The following CRYM variants were observed in gnomAD, a reference collection of about 807,000 sequenced individuals.
CRYM encodes ketimine reductase mu-crystallin.
In CRYM, 18 loss-of-function variants were observed where a neutral mutation model predicts 32.9. That is an observed-to-expected ratio of 0.55 (90% CI 0.38 to 0.81). The LOEUF (loss-of-function observed/expected upper bound fraction) is 0.81, where lower values mean the gene tolerates loss of function less well. Among genes scored for constraint, CRYM ranks in the 30% least tolerant of loss-of-function variants. CRYM has a pLI of 0.00. For synonymous variants in CRYM, 153 were observed against 152.4 expected, an observed-to-expected ratio of 1.00 and a Z score of -0.03; for missense variants, 337 against 393.5, an observed-to-expected ratio of 0.86 and a Z score of 1.21.
chr16:21,268,309 G>C (rs2093368248), intron 4 of CRYM, among the ~76,000 whole-genome samples: 1 of 152,196 alleles, frequency 6.6e-6, no homozygotes, highest in African/African-American at 2.4e-5. Flanking sequence ...GAATACTTAG[G>C]AAATTCAAGA....
At position 21,258,693 on chromosome 16, in the gene CRYM, G is replaced by T; in HGVS notation, c.*88C>A. The T allele has an allele frequency of 9.2e-7, 1 of 1,091,666 alleles. No individual in the cohort carries two copies. The allele number at this position is 1,091,666 out of a possible 1,614,324, so 67.6% of individuals were successfully genotyped here. A position where few individuals can be genotyped will look rare whatever the true frequency, so the allele number is the denominator to read the frequency against. On this transcript the variant is annotated 3_prime_UTR_variant, in exon 8 of 8. Transcript: ENST00000572914. Reference sequence around the variant, plus strand: ...TAAGCACAAAAGGAGAGTTCACTGGGGACTGGACTCCCTCATTTACTCTAG... The same window carrying T: ...TAAGCACAAAAGGAGAGTTCACTGGTGACTGGACTCCCTCATTTACTCTAG...
intron 5 of CRYM, among the ~76,000 whole-genome samples, chr16:21,262,898 C>G (rs376775312): frequency 6.6e-6 from 1 of 152,080 alleles, no homozygotes; most frequent in East Asian, 1.9e-4. Flanking sequence ...AGCACCTAGG[C>G]GCTCACACCT....
At chr16:21,284,781 C>A (rs1225592631) in intron 1 of CRYM, among the ~76,000 whole-genome samples, 1 of 152,092 alleles carries the variant, frequency 6.6e-6, no homozygotes, top group Non-Finnish European at 1.5e-5. Context: ...ATTTATTTTC[C>A]TTTGCGTATA....
At chr16:21,269,131 G>A (rs1275602478) in intron 4 of CRYM, among the ~76,000 whole-genome samples, 3 of 133,226 alleles carry the variant, frequency 2.3e-5, no homozygotes, top group African/African-American at 8.8e-5. Context: ...GCGACAGCGC[G>A]AGACTCCATT....
At chr16:21,267,819 AG>A in intron 4 of CRYM, 82 bp from the exon 5 acceptor site, 1 of 1,375,028 alleles carries the variant, frequency 7.3e-7, no homozygotes, top group African/African-American at 1.4e-5. Context: ...GCGGAGGGAA[AG>A]TTGAACTACT....
chr16:21,272,600 T>C (rs1188191363), intron 3 of CRYM, among the ~76,000 whole-genome samples: 1 of 152,110 alleles, frequency 6.6e-6, no homozygotes, highest in Non-Finnish European at 1.5e-5. Flanking sequence ...CATACTGCTT[T>C]ACACTCTTAC....
chr16:21,297,688 G>A (rs1960817006), intron 1 of CRYM, among the ~76,000 whole-genome samples: 1 of 152,174 alleles, frequency 6.6e-6, no homozygotes, highest in African/African-American at 2.4e-5. Context: ...GGGGATATGT[G>A]CCATGTGAGT....
Position 21,258,593 on chromosome 16 carries a change from G to C in CRYM, c.*188C>G. 1 of 644,980 alleles carries C rather than the reference G, an allele frequency of 1.6e-6. No homozygotes were observed. The highest frequency in any genetic ancestry group is 2.8e-6 in the Non-Finnish European group (1 of 359,220). 40.0% of individuals were successfully genotyped at this position (644,980 alleles called of 1,614,324 possible). A position where few individuals can be genotyped will look rare whatever the true frequency, so the allele number is the denominator to read the frequency against. ...AATGCTATTATAACTTGGTAGAACA[G>C]AAGAAATGGCTACCTAGCTTTGCTT... On this transcript the variant is annotated 3_prime_UTR_variant, in exon 8 of 8. Transcript: ENST00000572914.
At chr16:21,270,464 G>A (rs11647594) in intron 3 of CRYM, among the ~76,000 whole-genome samples, 37,226 of 151,638 alleles carry the variant, frequency 0.25, 4,787 homozygotes, top group African/African-American at 0.28. Flanking sequence ...TTGTATTTTC[G>A]ATAGAGATGG....
In CRYM at chr16:21,277,641, G is replaced by C; in HGVS notation, c.171-57C>G. On this transcript the variant is annotated intron_variant, in intron 1 of 7. Coordinates refer to ENST00000572914, the MANE Select transcript of CRYM (RefSeq NM_001376256.1). This position sits in a 1 kb window ranked among gnomAD's most constrained non-coding sequence, Gnocchi z 4.2. Reference sequence around the variant, plus strand: ...TTCCCATCAATGCTGGGGTCTCTTAGAAAGTATCCATATACTTTCCTTTTT... The same window carrying C: ...TTCCCATCAATGCTGGGGTCTCTTACAAAGTATCCATATACTTTCCTTTTT... 1.3e-6 allele frequency: 2 copies of C among 1,599,016 alleles called. No individual in the cohort carries two copies. Among genetic ancestry groups the C allele is most frequent in the East Asian group, 2.2e-5 (1 of 44,816 alleles).
upstream of CRYM, chr16:21,278,389 G>A (rs928415502): frequency 9.6e-7 from 1 of 1,043,882 alleles, no homozygotes; most frequent in South Asian, 1.4e-5. Flanking sequence ...GAGCAACCCC[G>A]CCCCGCCCCG....
chr16:21,265,015 A>G (rs2093361259), intron 5 of CRYM, among the ~76,000 whole-genome samples: 2 of 152,162 alleles, frequency 1.3e-5, no homozygotes, highest in South Asian at 4.1e-4. Flanking sequence ...AGTCTCCTGA[A>G]CCACGGGAAC....
intron 1 of CRYM, among the ~76,000 whole-genome samples, chr16:21,286,951 G>A (rs951141809): frequency 4.6e-5 from 7 of 152,004 alleles, no homozygotes; most frequent in Non-Finnish European, 8.8e-5. Flanking sequence ...TTAGCTGGGC[G>A]TGGTGGTGGG....
intron 7 of CRYM, 127 bp from the exon 8 acceptor site, chr16:21,258,972 T>C (rs2093349402): frequency 2.6e-6 from 2 of 759,230 alleles, no homozygotes; most frequent in Middle Eastern, 2.3e-4. Flanking sequence ...TAACAGGGAC[T>C]GATACCCAGA....
intron 1 of CRYM, among the ~76,000 whole-genome samples, chr16:21,294,025 G>C (rs1960730369): frequency 6.6e-6 from 1 of 152,152 alleles, no homozygotes; most frequent in African/African-American, 2.4e-5. Context: ...TCAGCAAAAA[G>C]GTAGAATACG....
rs1463946979 is a variant in CRYM, at chr16:21,278,138, G to C, written c.114C>G (p.Pro38=). The C allele has an allele frequency of 6.6e-5, 102 of 1,550,396 alleles. No individual in the cohort carries two copies. Among genetic ancestry groups the C allele is most frequent in the Non-Finnish European group, 8.8e-5 (101 of 1,147,450 alleles). Residue 38 remains proline (P), a synonymous_variant, in exon 1 of 8, where the codon CCC becomes CCG. Coordinates refer to ENST00000572914, the MANE Select transcript of CRYM (RefSeq NM_001376256.1). ...ETALANFSSG[P]EGGVMQPVRT... ...GCACGGGCTGCATGACCCCTCCTTC[G>C]GGACCGCTGGAGAAGTTGGCCAGGG...
upstream of CRYM, among the ~76,000 whole-genome samples, chr16:21,280,679 C>T (rs2093396546): frequency 6.6e-6 from 1 of 152,182 alleles, no homozygotes; most frequent in African/African-American, 2.4e-5. Context: ...AAGTCACGCA[C>T]CCTTACACTT....
chr16:21,293,078 A>G (rs968565989), intron 1 of CRYM, among the ~76,000 whole-genome samples: 6 of 150,446 alleles, frequency 4.0e-5, no homozygotes, highest in Non-Finnish European at 8.8e-5. Flanking sequence ...CAGAGTCCAA[A>G]AATAGATTCA....
upstream of CRYM, among the ~76,000 whole-genome samples, chr16:21,281,352 G>A (rs1174139185): frequency 6.6e-6 from 1 of 151,570 alleles, no homozygotes; most frequent in Non-Finnish European, 1.5e-5. Context: ...AGCCTCTCAG[G>A]TAGCTGGGAT....
Sources: allele counts gnomAD v4.1 joint callset (sites outside exome capture counted in the v4.1 genomes callset), GRCh38; gene constraint gnomAD v4.1.1; non-coding constraint Gnocchi (gnomAD v3.1); transcripts MANE v1.5; gene names NCBI Gene and HGNC (gene_info 2026-07-23, HGNC 2026-07-21).